Variants in FOXN4 observed in about 807,000 individuals in gnomAD.
FOXN4 encodes forkhead box N4.
In FOXN4, 12 loss-of-function variants were observed where a neutral mutation model predicts 45.0. That is an observed-to-expected ratio of 0.27 (90% confidence interval 0.17 to 0.43). The LOEUF (loss-of-function observed/expected upper bound fraction) is 0.43, where lower values mean the gene tolerates loss of function less well. Ranked by LOEUF, FOXN4 falls within the 20% of genes least tolerant of loss-of-function variation. FOXN4 has a pLI of 1.00. For missense variants in FOXN4, 560 were observed against 694.9 expected (o/e 0.81, Z 2.18); for synonymous variants, 297 against 295.0 (o/e 1.01, Z -0.07).
chr12:109,300,767 G>A (rs947491811), intron 2 of FOXN4, among the ~76,000 whole-genome samples: 7 of 152,106 alleles, frequency 4.6e-5, no homozygotes, highest in Non-Finnish European at 8.8e-5. Flanking sequence ...AAATTAGCCA[G>A]GCATGGTGAT....
chr12:109,301,843 C>T (rs2047871763), intron 2 of FOXN4, among the ~76,000 whole-genome samples: 1 of 152,230 alleles, frequency 6.6e-6, no homozygotes, highest in Admixed American at 6.5e-5. Context: ...TACATACTCT[C>T]AAGTATGAAA....
intron 9 of FOXN4, among the ~76,000 whole-genome samples, chr12:109,280,135 G>T (rs1042215531): frequency 6.6e-6 from 1 of 152,132 alleles, no homozygotes; most frequent in African/African-American, 2.4e-5. Flanking sequence ...TTGAGGCCAG[G>T]AGTTCAACGC....
At chr12:109,280,119 G>C (rs1328304642) in intron 9 of FOXN4, among the ~76,000 whole-genome samples, 189 bp from the exon 10 acceptor site, 1 of 152,144 alleles carries the variant, frequency 6.6e-6, no homozygotes, top group East Asian at 1.9e-4. Context: ...GAGGTGGGTG[G>C]ATCACTTGAG....
intron 2 of FOXN4, among the ~76,000 whole-genome samples, chr12:109,307,529 A>T (rs1302369210): frequency 6.6e-6 from 1 of 152,080 alleles, no homozygotes; most frequent in Non-Finnish European, 1.5e-5. Flanking sequence ...TGTAAAAAAA[A>T]TAGGGGGTGC....
In FOXN4 at chr12:109,290,042, G is replaced by A; in HGVS notation, c.232+99C>T. 6.6e-6 allele frequency: 9 copies of A among 1,361,748 alleles called. No homozygotes were observed. Among genetic ancestry groups the A allele is most frequent in the Non-Finnish European group, 8.7e-6 (9 of 1,029,836 alleles). The allele number at this position is 1,361,748 out of a possible 1,614,324, so 84.4% of individuals were successfully genotyped here. On this transcript the variant is annotated intron_variant, in intron 3 of 9. Coordinates refer to ENST00000299162, the MANE Select transcript of FOXN4 (RefSeq NM_213596.3). The surrounding 1 kb of genome is among the most constrained non-coding windows in gnomAD (Gnocchi z 5.1). ...AGAAAGAGAGGCCCAGAGAGACTGGGAGACCGGGTCATGGCTGCACAGTGG... is the reference window on the plus strand; with the variant it reads ...AGAAAGAGAGGCCCAGAGAGACTGGAAGACCGGGTCATGGCTGCACAGTGG...
intron 2 of FOXN4, among the ~76,000 whole-genome samples, chr12:109,302,565 T>C (rs2047877254): frequency 1.3e-5 from 2 of 152,224 alleles, no homozygotes; most frequent in East Asian, 1.9e-4. Context: ...AATGGAATAA[T>C]AATAATTCTC....
rs969450180 is a variant in FOXN4, at chr12:109,288,738, A to G, written c.233-558T>C. Among the ~76,000 whole-genome samples, 15 of 152,188 alleles carry G rather than the reference A, an allele frequency of 9.9e-5. No individual in the cohort carries two copies. Among genetic ancestry groups the G allele is most frequent in the African/African-American group, 3.1e-4 (13 of 41,438 alleles). ...TGCTGGGCTTGTGACAGACATTGCTAATCTATCACAGATTCTTACTGCTCT... is the reference window on the plus strand; with the variant it reads ...TGCTGGGCTTGTGACAGACATTGCTGATCTATCACAGATTCTTACTGCTCT... On this transcript the variant is annotated intron_variant, in intron 3 of 9. Coordinates refer to ENST00000299162, the MANE Select transcript of FOXN4 (RefSeq NM_213596.3). The surrounding 1 kb of genome is among the most constrained non-coding windows in gnomAD (Gnocchi z 4.3).
chr12:109,298,217 G>A (rs576218771), intron 2 of FOXN4, among the ~76,000 whole-genome samples: 1 of 152,112 alleles, frequency 6.6e-6, no homozygotes, highest in East Asian at 1.9e-4. Flanking sequence ...ATCTCACAAA[G>A]TTGTGAGCCC....
intron 2 of FOXN4, among the ~76,000 whole-genome samples, chr12:109,295,526 C>A (rs988011602): frequency 5.3e-5 from 8 of 150,790 alleles, no homozygotes; most frequent in African/African-American, 2.0e-4. Flanking sequence ...TGGCTCATGC[C>A]TGTAATCCCA....
intron 3 of FOXN4, among the ~76,000 whole-genome samples, chr12:109,289,815 G>A (rs1214210139): frequency 1.3e-5 from 2 of 152,164 alleles, no homozygotes; most frequent in African/African-American, 4.8e-5. Flanking sequence ...CTAACACAAA[G>A]GCTGTACAAA....
At chr12:109,302,783 C>A (rs567989674) in intron 2 of FOXN4, among the ~76,000 whole-genome samples, 62 of 152,312 alleles carry the variant, frequency 4.1e-4, no homozygotes, top group African/African-American at 1.4e-3. Flanking sequence ...CCCGCCCTAC[C>A]TGCGCGGCAA....
Position 109,291,779 on chromosome 12 carries a change from C to T in FOXN4, c.87-1493G>A, listed in dbSNP as rs1406448766. On this transcript the variant is annotated intron_variant, in intron 2 of 9. Transcript: ENST00000299162. The surrounding 1 kb of genome is among the most constrained non-coding windows in gnomAD (Gnocchi z 6.6). ...ACAGGGCCTGGAAACGATTTGAAAACGCGGCCGGCCGGCCGTGTCAGTGGC... is the reference window on the plus strand; with the variant it reads ...ACAGGGCCTGGAAACGATTTGAAAATGCGGCCGGCCGGCCGTGTCAGTGGC... Among the ~76,000 whole-genome samples the T allele has an allele frequency of 6.6e-6, 1 of 152,076 alleles. No homozygotes were observed. Among genetic ancestry groups the T allele is most frequent in the Admixed American group, 6.5e-5 (1 of 15,288 alleles).
Position 109,287,510 on chromosome 12 carries a change from G to A in FOXN4, c.483C>T (p.Gly161=). 6.5e-7 allele frequency: 1 copy of A among 1,536,344 alleles called. No homozygotes were observed. The highest frequency in any genetic ancestry group is 8.8e-7 in the Non-Finnish European group (1 of 1,141,630). Residue 161 remains glycine, a synonymous_variant, in exon 6 of 10, where the codon GGC becomes GGT. Transcript: ENST00000299162. The surrounding 1 kb of genome is among the most constrained non-coding windows in gnomAD (Gnocchi z 4.1). ...GCACCCCAAATGGGGGGCCATAGAG[G>A]CCCACAGGAGGGCACTTCCCACAGG... ...PPGAQQCPPV[G]LYGPPFGVRP...
rs1485612046 is a variant in FOXN4 at position 109,287,535 on chromosome 12, G to T, written c.469-11C>A. On this transcript the variant is annotated splice_polypyrimidine_tract_variant and intron_variant, in intron 5 of 9. Transcript: ENST00000299162. The surrounding 1 kb of genome is among the most constrained non-coding windows in gnomAD (Gnocchi z 4.1). ...GCCCACAGGAGGGCACTTCCCACAG[G>T]CAGGGGCAGGGAGAAAGTGGCAGAG... 4 of 1,513,646 alleles carry T rather than the reference G, an allele frequency of 2.6e-6. No individual in the cohort carries two copies. The highest frequency in any genetic ancestry group is 3.5e-6 in the Non-Finnish European group (4 of 1,132,382). 93.8% of individuals were successfully genotyped at this position (1,513,646 alleles called of 1,614,324 possible).
rs577043875 is a variant in FOXN4 at position 109,280,072 on chromosome 12, G to T, written c.1295-142C>A. 9 of 1,217,406 alleles carry T rather than the reference G, an allele frequency of 7.4e-6. No homozygotes were observed. In the East Asian group the frequency reaches 2.2e-4, roughly 30 times the overall value. The allele number at this position is 1,217,406 out of a possible 1,614,324, so 75.4% of individuals were successfully genotyped here. A position where few individuals can be genotyped will look rare whatever the true frequency, so the allele number is the denominator to read the frequency against. On this transcript the variant is annotated intron_variant, in intron 9 of 9. Transcript: ENST00000299162. Reference sequence around the variant, plus strand: ...GAAAAAGGGCATGGGGCCGGGCCTGGTGGCTCAAGCCTGTAATCCCAGCAC... The same window carrying T: ...GAAAAAGGGCATGGGGCCGGGCCTGTTGGCTCAAGCCTGTAATCCCAGCAC...
At chr12:109,281,280 G>C (rs1471517241) in intron 9 of FOXN4, 127 bp downstream of exon 9, 35 of 1,328,596 alleles carry the variant, frequency 2.6e-5, no homozygotes, top group Non-Finnish European at 2.9e-5. Context: ...AACTTGTAAA[G>C]GTTGTTGCTA....
intron 2 of FOXN4, among the ~76,000 whole-genome samples, chr12:109,303,127 G>A (rs1593787777): frequency 6.6e-6 from 1 of 152,178 alleles, no homozygotes; most frequent in Non-Finnish European, 1.5e-5. Context: ...GTGTGTGAGT[G>A]CATGCACACA....
At chr12:109,281,883 C>A in intron 8 of FOXN4, 84 bp from the exon 9 acceptor site, 1 of 1,452,076 alleles carries the variant, frequency 6.9e-7, no homozygotes, top group South Asian at 1.4e-5. Context: ...ATTCCAGTGT[C>A]ACCACCTGTG....
In FOXN4 at chr12:109,290,378, T is replaced by C. The variant is rs2047756289; in HGVS notation, c.87-92A>G. 7.0e-7 allele frequency: 1 copy of C among 1,419,926 alleles called. No homozygotes were observed. Among genetic ancestry groups the C allele is most frequent in the African/African-American group, 1.4e-5 (1 of 69,188 alleles). The allele number at this position is 1,419,926 out of a possible 1,614,324, so 88.0% of individuals were successfully genotyped here. On this transcript the variant is annotated intron_variant, in intron 2 of 9. Transcript: ENST00000299162. The surrounding 1 kb of genome is among the most constrained non-coding windows in gnomAD (Gnocchi z 5.1). ...GACCTCTGGAAGCACCCGCTTAATG[T>C]GCCTCATCTCCCCAAGCCACGCCAG...
Sources: allele counts gnomAD v4.1 joint callset (sites outside exome capture counted in the v4.1 genomes callset), GRCh38; gene constraint gnomAD v4.1.1; non-coding constraint Gnocchi (gnomAD v3.1); transcripts MANE v1.5; gene names NCBI Gene and HGNC (gene_info 2026-07-23, HGNC 2026-07-21).